CACNB1: variants seen among roughly 807,000 people sequenced by gnomAD.
The protein encoded by CACNB1 is voltage-dependent L-type calcium channel subunit beta-1.
In CACNB1, 29 loss-of-function variants were observed where a neutral mutation model predicts 71.6. That is an observed-to-expected ratio of 0.40 (90% CI 0.30 to 0.55). The LOEUF is 0.55. Among genes scored for constraint, CACNB1 ranks in the 20% least tolerant of loss-of-function variants. The pLI is 0.38. For synonymous variants in CACNB1, 300 were observed against 319.6 expected (o/e 0.94, Z 0.65); for missense variants, 623 against 801.8 (o/e 0.78, Z 2.69).
At chr17:39,179,956 G>A (rs2045708340) in intron 11 of CACNB1, among the ~76,000 whole-genome samples, 1 of 150,914 alleles carries the variant, frequency 6.6e-6, no homozygotes, top group Admixed American at 6.6e-5. Context: ...TGGATTGGGG[G>A]AAATGTTGCT....
intron 13 of CACNB1, chr17:39,177,137 G>GA: frequency 7.0e-7 from 1 of 1,428,812 alleles, no homozygotes; most frequent in East Asian, 2.5e-5. Context: ...ACCAGAAGCT[G>GA]CCGCTCATCT....
Position 39,194,870 on chromosome 17 carries a change from A to G in CACNB1, c.171+14T>C, listed in dbSNP as rs760731363. The G allele has an allele frequency of 2.5e-6, 4 of 1,589,234 alleles. No homozygotes were observed. The South Asian group carries it at 4.5e-5, about 18-fold the overall frequency. Reference sequence around the variant, plus strand: ...CCAGCCACCTCCCTCCTCTCCGCCCAGCCTCCCCATTACCTGGCGGACAAA... The same window carrying G: ...CCAGCCACCTCCCTCCTCTCCGCCCGGCCTCCCCATTACCTGGCGGACAAA... On this transcript the variant is annotated intron_variant, in intron 2 of 13. Coordinates refer to ENST00000394303, the MANE Select transcript of CACNB1 (RefSeq NM_000723.5). The surrounding 1 kb of genome is among the most constrained non-coding windows in gnomAD (Gnocchi z 4.6).
intron 6 of CACNB1, 27 bp from the exon 7 acceptor site, chr17:39,185,177 G>C: frequency 1.2e-6 from 2 of 1,607,966 alleles, no homozygotes; most frequent in Non-Finnish European, 1.7e-6. Flanking sequence ...CCAAGAGAGG[G>C]AAGGGGGAGG....
intron 1 of CACNB1, among the ~76,000 whole-genome samples, chr17:39,195,877 G>A (rs2046191642): frequency 6.6e-6 from 1 of 152,184 alleles, no homozygotes; most frequent in Non-Finnish European, 1.5e-5. Context: ...TCTCTAGGGG[G>A]TAAGCTGGCT....
Position 39,175,505 on chromosome 17 carries a change from G to C in CACNB1, c.1485C>G (p.Ser495=). ...TGTCGGCATCAAAAGTGTCTTGGCG[G>C]GACAGTGCCCGTAGCGTGCCTGCCC... ...PGRAGTLRAL[S]RQDTFDADTP... Residue 495 remains serine (S), a synonymous_variant, in exon 14 of 14, where the codon TCC becomes TCG. Coordinates refer to ENST00000394303, the MANE Select transcript of CACNB1 (RefSeq NM_000723.5). The surrounding 1 kb of genome is among the most constrained non-coding windows in gnomAD (Gnocchi z 4.7). 1 of 1,614,000 alleles carries C rather than the reference G, an allele frequency of 6.2e-7. No individual in the cohort carries two copies. The highest frequency in any genetic ancestry group is 8.5e-7 in the Non-Finnish European group (1 of 1,180,022).
chr17:39,182,872 T>C, intron 11 of CACNB1: 2 of 748,770 alleles, frequency 2.7e-6, no homozygotes, highest in Non-Finnish European at 3.3e-6. Context: ...AGATTCCAAG[T>C]TCAATAAAAA....
intron 11 of CACNB1, among the ~76,000 whole-genome samples, chr17:39,178,604 A>G (rs918011367): frequency 4.0e-5 from 6 of 151,832 alleles, no homozygotes; most frequent in Non-Finnish European, 5.9e-5. Flanking sequence ...GCTGGTCTGA[A>G]ACTCCTGGCC....
At chr17:39,184,471 T>A in intron 8 of CACNB1, 88 bp from the exon 9 acceptor site, 1 of 785,954 alleles carries the variant, frequency 1.3e-6, no homozygotes, top group Non-Finnish European at 2.2e-6. Flanking sequence ...ATTTGTACCC[T>A]CACGTTCCAC....
In CACNB1 at chr17:39,174,955, A is replaced by T; in HGVS notation, c.*238T>A. On this transcript the variant is annotated 3_prime_UTR_variant, in exon 14 of 14. Coordinates refer to ENST00000394303, the MANE Select transcript of CACNB1 (RefSeq NM_000723.5). ...TAAGATGGGAGAAAGGGGACACTTC[A>T]GAAAGGTGGGTATCCCCCATCCATC... 1 of 554,718 alleles carries T rather than the reference A, an allele frequency of 1.8e-6. No homozygotes were observed. The highest frequency in any genetic ancestry group is 2.4e-5 in the South Asian group (1 of 41,362). The allele number at this position is 554,718 out of a possible 1,614,324, so 34.4% of individuals were successfully genotyped here.
rs768358861 is a variant in CACNB1, at chr17:39,184,901, G to A, written c.649-37C>T. The A allele has an allele frequency of 1.0e-5, 14 of 1,379,556 alleles. No individual in the cohort carries two copies. The Middle Eastern group carries it at 7.1e-4, about 70-fold the overall frequency. 85.5% of individuals were successfully genotyped at this position (1,379,556 alleles called of 1,614,324 possible). ...AGCAGGGAGGGGAAACCCCAGAGTGGAGATGACATTAGATCCTCTCCCCCA... is the reference window on the plus strand; with the variant it reads ...AGCAGGGAGGGGAAACCCCAGAGTGAAGATGACATTAGATCCTCTCCCCCA... On this transcript the variant is annotated intron_variant, in intron 7 of 13. Coordinates refer to ENST00000394303, the MANE Select transcript of CACNB1 (RefSeq NM_000723.5).
chr17:39,182,590 C>T (rs542806450), intron 11 of CACNB1, among the ~76,000 whole-genome samples: 112 of 150,706 alleles, frequency 7.4e-4, no homozygotes, highest in African/African-American at 2.7e-3. Flanking sequence ...TAGTCCCAGC[C>T]ACTCAGGAGG....
intron 1 of CACNB1, among the ~76,000 whole-genome samples, chr17:39,195,717 C>T (rs561328604): frequency 6.6e-6 from 1 of 152,308 alleles, no homozygotes; most frequent in South Asian, 2.1e-4. Context: ...AGCTACAATC[C>T]TCCCCAAGGG....
chr17:39,183,811 A>G lies in CACNB1; in HGVS notation c.952T>C (p.Leu318=), dbSNP rs2045853583. 1.2e-6 allele frequency: 2 copies of G among 1,613,928 alleles called. No homozygotes were observed. The highest frequency in any genetic ancestry group is 1.7e-6 in the Non-Finnish European group (2 of 1,179,986). The change falls in exon 11 of 14, where the codon TTG becomes CTG. Residue 318 remains leucine, a synonymous_variant. Transcript: ENST00000394303. ...ATGGTGTCAGCATCCAGAGCGACCAACTGAAGGGTCCGGGCCAGCTCGAAG... is the reference window on the plus strand; with the variant it reads ...ATGGTGTCAGCATCCAGAGCGACCAGCTGAAGGGTCCGGGCCAGCTCGAAG... The part of the protein sequence containing the change: ...RIFELARTLQ[L]VALDADTINH...
At chr17:39,185,577 AC>A (rs1328534015) in intron 6 of CACNB1, among the ~76,000 whole-genome samples, 1 of 140,160 alleles carries the variant, frequency 7.1e-6, no homozygotes, top group Non-Finnish European at 1.5e-5. Context: ...CTATGTGCCC[AC>A]CCAGAGAGTC....
At chr17:39,191,990 T>A (rs935005181) in intron 2 of CACNB1, 5 of 244,088 alleles carry the variant, frequency 2.0e-5, no homozygotes, top group African/African-American at 1.2e-4. Flanking sequence ...TCCAGTGGCA[T>A]CCATTCCAGG....
chr17:39,186,600 G>A lies in CACNB1; in HGVS notation c.552-28C>T, dbSNP rs535720815. 8.1e-6 allele frequency: 13 copies of A among 1,604,068 alleles called. No individual in the cohort carries two copies. In the African/African-American group the frequency reaches 1.2e-4, roughly 15 times the overall value. On this transcript the variant is annotated intron_variant, in intron 5 of 13. Transcript: ENST00000394303. This position sits in a 1 kb window ranked among gnomAD's most constrained non-coding sequence, Gnocchi z 4.1. ...GTGTGGGCAGAGGCAAACCGAGCTT[G>A]TGAGCAAAGAGGTGGGCGTGGGGGG...
In CACNB1 at chr17:39,194,936, C is replaced by T. The variant is rs2046171897; in HGVS notation, c.119G>A (p.Arg40Gln). The T allele has an allele frequency of 5.6e-6, 9 of 1,613,254 alleles. No individual in the cohort carries two copies. Among genetic ancestry groups the T allele is most frequent in the South Asian group, 1.1e-5 (1 of 91,030 alleles). Residue 40 changes from arginine to glutamine, a missense_variant, in exon 2 of 14, where the codon CGG (arginine) becomes CAG (glutamine). Coordinates refer to ENST00000394303, the MANE Select transcript of CACNB1 (RefSeq NM_000723.5). This position sits in a 1 kb window ranked among gnomAD's most constrained non-coding sequence, Gnocchi z 4.6. ...ATCCGAGGACGTGCTCCCATCTGACCGTTTGAATCGCCCTTTCCTCTTGCT... is the reference window on the plus strand; with the variant it reads ...ATCCGAGGACGTGCTCCCATCTGACTGTTTGAATCGCCCTTTCCTCTTGCT... ...KYSKRKGRFKRSDGSTSSDTT... is the reference protein window; with the variant it reads ...KYSKRKGRFKQSDGSTSSDTT...
At chr17:39,193,209 C>T (rs193170800) in intron 2 of CACNB1, 4 of 283,080 alleles carry the variant, frequency 1.4e-5, no homozygotes, top group Admixed American at 5.2e-5. Context: ...CGCACATGTG[C>T]GGGCAGACAC....
chr17:39,191,159 A>G (rs896878058), intron 3 of CACNB1, among the ~76,000 whole-genome samples: 3 of 152,110 alleles, frequency 2.0e-5, no homozygotes, highest in Non-Finnish European at 1.5e-5. Context: ...AGCCGAGATC[A>G]TGCCACTGCA....
Sources: gnomAD v4.1 joint callset for allele counts (sites outside exome capture counted in the v4.1 genomes callset) on GRCh38, gnomAD v4.1.1 for gene constraint, Gnocchi (gnomAD v3.1) non-coding constraint, MANE v1.5 for transcripts, NCBI Gene and HGNC (gene_info 2026-07-23, HGNC 2026-07-21) for gene names.